Variants in ANO4 observed in about 807,000 individuals in gnomAD.
ANO4 encodes the protein anoctamin 4, also known as anoctamin-4.
In ANO4, 69 loss-of-function variants were observed where a neutral mutation model predicts 141.9. That is an observed-to-expected ratio of 0.49 (90% CI 0.40 to 0.59). The LOEUF is 0.59. Among genes scored for constraint, ANO4 ranks in the 20% least tolerant of loss-of-function variants. The pLI is 0.00. For synonymous variants in ANO4, 350 were observed against 394.3 expected, an observed-to-expected ratio of 0.89 and a Z score of 1.33; for missense variants, 894 against 1,162.2, an observed-to-expected ratio of 0.77 and a Z score of 3.36.
At chr12:101,102,492 A>G (rs1005923126) in intron 22 of ANO4, among the ~76,000 whole-genome samples, 4 of 152,170 alleles carry the variant, frequency 2.6e-5, no homozygotes, top group Non-Finnish European at 4.4e-5. Context: ...TCATATGCTT[A>G]TAGTTATTTG....
At position 100,987,670 on chromosome 12, in the gene ANO4, A is replaced by T. The variant is rs749701105; in HGVS notation, c.734A>T (p.His245Leu). The T allele has an allele frequency of 6.2e-7, 1 of 1,613,808 alleles. No individual in the cohort carries two copies. Reference protein sequence around the residue: ...TAPFSQQRIHHFIIHNKETFF... With the variant: ...TAPFSQQRIHLFIIHNKETFF... ...CCTTTCAGCCAGCAAAGGATCCATC[A>T]GTGAGTGTTCCATGTTAAAGCCCCA... Residue 245 changes from histidine to leucine, a missense_variant and splice_region_variant, in exon 8 of 28, where the codon CAC (histidine) becomes CTC (leucine). By Grantham distance (99) the His-to-Leu change is moderately conservative. This residue lies in a region of ANO4 where 637 missense variants were observed against 909.2 expected (regional missense o/e 0.70). Transcript: ENST00000392977.
intron 14 of ANO4, among the ~76,000 whole-genome samples, chr12:101,061,592 T>C (rs1029789437): frequency 2.6e-5 from 4 of 152,000 alleles, no homozygotes; most frequent in African/African-American, 9.7e-5. Context: ...TTTCATTCTT[T>C]TTTCTCTAAT....
intron 3 of ANO4, among the ~76,000 whole-genome samples, chr12:100,757,035 T>C (rs543401286): frequency 4.6e-5 from 7 of 152,314 alleles, no homozygotes; most frequent in South Asian, 2.1e-4. Flanking sequence ...AGTTTTTTTT[T>C]ATCTGTCCCT....
chr12:101,099,814 A>T lies in ANO4; in HGVS notation c.2149+94A>T, dbSNP rs980257497. The T allele has an allele frequency of 8.3e-6, 9 of 1,084,162 alleles. No individual in the cohort carries two copies. The African/African-American group carries it at 1.5e-4, about 18-fold the overall frequency. The allele number at this position is 1,084,162 out of a possible 1,614,324, so 67.2% of individuals were successfully genotyped here. A position where few individuals can be genotyped will look rare whatever the true frequency, so the allele number is the denominator to read the frequency against. ...TATACCCGTTATCATCAAGGTCCTC[A>T]GTGCGTAGGGATTCCTAAGGCAAAC... On this transcript the variant is annotated intron_variant, in intron 22 of 27. Transcript: ENST00000392977.
At chr12:100,773,530 A>G (rs904792218) in intron 3 of ANO4, among the ~76,000 whole-genome samples, 5 of 152,212 alleles carry the variant, frequency 3.3e-5, no homozygotes, top group Non-Finnish European at 7.3e-5. Context: ...GGAATGTTGC[A>G]AGAGGAATTC....
chr12:101,033,331 G>T (rs549383996), intron 9 of ANO4, among the ~76,000 whole-genome samples: 3 of 152,024 alleles, frequency 2.0e-5, no homozygotes, highest in East Asian at 1.9e-4. Flanking sequence ...GTGGGGGAAG[G>T]GGGGAGGGAT....
Position 100,944,505 on chromosome 12 carries a change from C to T in ANO4, c.456+1970C>T, listed in dbSNP as rs74809437. Among the ~76,000 whole-genome samples the T allele has an allele frequency of 7.3e-3, 1,104 of 152,044 alleles. 14 individuals carry two copies. Among genetic ancestry groups the T allele is most frequent in the African/African-American group, 0.025 (1,038 of 41,428 alleles). The stretch of plus-strand genomic sequence containing the variant: ...AAGCATTTCCCCCCTCCCCACTTTC[C>T]CCCAAAAGTTCTTCTCTGGGCATCA... On this transcript the variant is annotated intron_variant, in intron 5 of 27. Transcript: ENST00000392977.
chr12:100,984,852 G>A (rs1306544133), intron 7 of ANO4, among the ~76,000 whole-genome samples: 1 of 151,874 alleles, frequency 6.6e-6, no homozygotes, highest in Non-Finnish European at 1.5e-5. Flanking sequence ...CAATTAAATT[G>A]TGGTGCCACA....
At chr12:100,753,541 A>C (rs2032476298) in intron 3 of ANO4, among the ~76,000 whole-genome samples, 1 of 152,004 alleles carries the variant, frequency 6.6e-6, no homozygotes, top group South Asian at 2.1e-4. Context: ...AGTGTACATC[A>C]CTTTAGGAAG....
At chr12:100,963,703 G>T (rs1373303767) in intron 5 of ANO4, among the ~76,000 whole-genome samples, 1 of 152,102 alleles carries the variant, frequency 6.6e-6, no homozygotes, top group African/African-American at 2.4e-5. Flanking sequence ...CATTTGCCCA[G>T]TGCTACACAG....
intron 3 of ANO4, among the ~76,000 whole-genome samples, chr12:100,779,904 G>C (rs1252847183): frequency 2.0e-5 from 3 of 151,994 alleles, no homozygotes; most frequent in Non-Finnish European, 2.9e-5. Context: ...GGGCTTTCAT[G>C]CTCCAAAAAT....
intron 22 of ANO4, among the ~76,000 whole-genome samples, chr12:101,107,141 C>T (rs2050481246): frequency 2.0e-5 from 3 of 152,226 alleles, no homozygotes; most frequent in South Asian, 4.1e-4. Flanking sequence ...CTTTTTCTGT[C>T]CATAACATCC....
chr12:101,030,035 A>T (rs568609747), intron 9 of ANO4, among the ~76,000 whole-genome samples: 1 of 152,108 alleles, frequency 6.6e-6, no homozygotes, highest in Non-Finnish European at 1.5e-5. Context: ...ATAGTGGGAG[A>T]CTTTAACACT....
intron 1 of ANO4, among the ~76,000 whole-genome samples, chr12:100,731,470 T>G (rs929386590): frequency 6.6e-6 from 1 of 152,098 alleles, no homozygotes; most frequent in South Asian, 2.1e-4. Context: ...CCCACTGGAG[T>G]GGTGCATTTG....
intron 8 of ANO4, among the ~76,000 whole-genome samples, chr12:101,015,076 G>C (rs985688040): frequency 2.7e-5 from 4 of 150,568 alleles, no homozygotes; most frequent in Admixed American, 6.6e-5. Context: ...TCCTGCATTT[G>C]CCTCCCAAAG....
intron 1 of ANO4, among the ~76,000 whole-genome samples, chr12:100,862,819 C>T (rs1205878272): frequency 1.3e-5 from 2 of 152,124 alleles, no homozygotes; most frequent in African/African-American, 4.8e-5. Flanking sequence ...CATGGGATCA[C>T]CATCATATAT....
intron 17 of ANO4, among the ~76,000 whole-genome samples, chr12:101,092,350 C>A (rs2049810299): frequency 1.3e-5 from 2 of 152,176 alleles, no homozygotes; most frequent in South Asian, 4.1e-4. Context: ...TCTGTAAGAT[C>A]AGAAAGCTTT....
intron 22 of ANO4, among the ~76,000 whole-genome samples, chr12:101,106,072 C>T (rs1333339335): frequency 6.6e-6 from 1 of 152,074 alleles, no homozygotes; most frequent in Admixed American, 6.6e-5. Flanking sequence ...TGCCACTGCA[C>T]TCCAGCCTGG....
At chr12:100,931,755 A>G (rs612640) in intron 3 of ANO4, among the ~76,000 whole-genome samples, 38,142 of 152,064 alleles carry the variant, frequency 0.25, 5,015 homozygotes, top group Admixed American at 0.32. Context: ...TAATCAGAAT[A>G]AGAAAAAACT....
Sources: allele counts gnomAD v4.1 joint callset (sites outside exome capture counted in the v4.1 genomes callset), GRCh38; gene constraint gnomAD v4.1.1; regional missense constraint gnomAD v4.1.1; transcripts MANE v1.5; gene names NCBI Gene and HGNC (gene_info 2026-07-23, HGNC 2026-07-21).